The following SAR1B variants were observed in gnomAD, a reference collection of about 807,000 sequenced individuals.
The protein encoded by SAR1B is small COPII coat GTPase SAR1B.
Under a neutral mutation model 26.8 loss-of-function variants are expected in SAR1B, and 23 were observed. That is an observed-to-expected ratio of 0.86 (90% CI 0.62 to 1.22). SAR1B has a LOEUF of 1.22. Among genes scored for constraint, SAR1B ranks in the 50% most tolerant of loss-of-function variants. The pLI, the probability that SAR1B is intolerant of heterozygous loss-of-function variation, is 0.00. For missense variants in SAR1B, 196 were observed against 232.8 expected, an observed-to-expected ratio of 0.84 and a Z score of 1.03; for synonymous variants, 65 against 80.8, an observed-to-expected ratio of 0.80 and a Z score of 1.05.
Position 134,606,757 on chromosome 5 carries a change from A to G in SAR1B, c.*193T>C. 1 of 576,714 alleles carries G rather than the reference A, an allele frequency of 1.7e-6. No homozygotes were observed. Among genetic ancestry groups the G allele is most frequent in the Non-Finnish European group, 3.1e-6 (1 of 317,566 alleles). 35.7% of individuals were successfully genotyped at this position (576,714 alleles called of 1,614,324 possible). ...AGTACTTTTATGGAATTAGAAAGCT[A>G]ACATTGTGATACTCAAACTTACTTG... is the stretch of plus-strand genomic sequence containing the variant. On this transcript the variant is annotated 3_prime_UTR_variant, in exon 7 of 7. Coordinates refer to ENST00000402673, the MANE Select transcript of SAR1B (RefSeq NM_016103.4).
At chr5:134,628,750 G>A (rs1765543714) in intron 1 of SAR1B, among the ~76,000 whole-genome samples, 1 of 151,980 alleles carries the variant, frequency 6.6e-6, no homozygotes, top group Admixed American at 6.6e-5. Flanking sequence ...CACCTCCTGG[G>A]TTCAAGCAAT....
chr5:134,609,226 G>A lies in SAR1B; in HGVS notation c.348+345C>T, dbSNP rs1198082929. On this transcript the variant is annotated intron_variant, in intron 5 of 6. Transcript: ENST00000402673. ...CATGTCCTATCATTTCCAGGCTGTG[G>A]CTTAAGATATAGCATCTTAGCATGA... is the stretch of plus-strand genomic sequence containing the variant. 9.6e-6 allele frequency: 4 copies of A among 418,168 alleles called. No homozygotes were observed. In the Admixed American group the frequency reaches 1.2e-4, roughly 12 times the overall value. The allele number at this position is 418,168 out of a possible 1,614,324, so 25.9% of individuals were successfully genotyped here.
chr5:134,621,562 C>G (rs1345872770), intron 2 of SAR1B, among the ~76,000 whole-genome samples: 1 of 151,950 alleles, frequency 6.6e-6, no homozygotes, highest in Admixed American at 6.6e-5. Flanking sequence ...CAAACTTCAA[C>G]CCAGTCAATA....
At chr5:134,630,178 G>C (rs988379989) in intron 1 of SAR1B, among the ~76,000 whole-genome samples, 9 of 152,038 alleles carry the variant, frequency 5.9e-5, no homozygotes, top group African/African-American at 2.2e-4. Context: ...GTAGAAGGCT[G>C]GGGGAGGTGG....
chr5:134,620,647 G>A (rs1162502837), intron 3 of SAR1B, among the ~76,000 whole-genome samples: 1 of 152,154 alleles, frequency 6.6e-6, no homozygotes, highest in Admixed American at 6.5e-5. Context: ...GATCACTTGA[G>A]CTCAGGAGTT....
intron 3 of SAR1B, among the ~76,000 whole-genome samples, chr5:134,616,111 C>A (rs1163828474): frequency 7.9e-6 from 1 of 126,236 alleles, no homozygotes; most frequent in African/African-American, 3.1e-5. Flanking sequence ...GCCTGGGCAA[C>A]AGAGCGAGAC....
chr5:134,607,764 C>T (rs1204115204), intron 6 of SAR1B, among the ~76,000 whole-genome samples: 1 of 147,040 alleles, frequency 6.8e-6, no homozygotes, highest in Non-Finnish European at 1.5e-5. Flanking sequence ...AAGAGCAAAA[C>T]TCCATCTCAA....
intron 4 of SAR1B, among the ~76,000 whole-genome samples, chr5:134,612,479 T>C (rs1219077233): frequency 6.6e-6 from 1 of 151,340 alleles, no homozygotes. Flanking sequence ...ATCCCATCTC[T>C]ACTAAGAATA....
rs1228202531 is a variant in SAR1B, at chr5:134,604,133, C to T, written c.*2817G>A. 6.6e-6 allele frequency: 1 copy of T among 152,122 alleles called. No individual in the cohort carries two copies. Among genetic ancestry groups the T allele is most frequent in the Non-Finnish European group, 1.5e-5 (1 of 68,024 alleles). The allele number at this position is 152,122 out of a possible 1,614,324, so 9.4% of individuals were successfully genotyped here. A position where few individuals can be genotyped will look rare whatever the true frequency, so the allele number is the denominator to read the frequency against. ...TCTATCAATTTAACCAGCTGTGATC[C>T]AAAAGTGTAATTAACGGCAGTCAGT... On this transcript the variant is annotated 3_prime_UTR_variant, in exon 7 of 7. Coordinates refer to ENST00000402673, the MANE Select transcript of SAR1B (RefSeq NM_016103.4).
intron 3 of SAR1B, among the ~76,000 whole-genome samples, chr5:134,619,023 G>A (rs986557321): frequency 6.8e-6 from 1 of 147,394 alleles, no homozygotes; most frequent in Non-Finnish European, 1.5e-5. Context: ...AAAAATTAGA[G>A]TCATTATTAA....
At chr5:134,622,558 G>T (rs186341360) in intron 2 of SAR1B, among the ~76,000 whole-genome samples, 1 of 151,298 alleles carries the variant, frequency 6.6e-6, no homozygotes, top group East Asian at 2.0e-4. Flanking sequence ...CTACAGGCGC[G>T]TGCCACCATG....
At chr5:134,623,499 A>G (rs1407488794) in intron 2 of SAR1B, among the ~76,000 whole-genome samples, 2 of 46,790 alleles carry the variant, frequency 4.3e-5, no homozygotes, top group Non-Finnish European at 8.7e-5. Context: ...CCGTCTCTAT[A>G]AAATTAAAAA....
At position 134,624,027 on chromosome 5, in the gene SAR1B, T is replaced by G. The variant is rs755691161; in HGVS notation, c.-8A>C. ...ATCAAATATGAAGGACATATCCAAATCTGATAGGGTCTGAAAAAAAAGAGT... is the reference window on the plus strand; with the variant it reads ...ATCAAATATGAAGGACATATCCAAAGCTGATAGGGTCTGAAAAAAAAGAGT... On this transcript the variant is annotated 5_prime_UTR_variant, in exon 2 of 7. Transcript: ENST00000402673. 1 of 1,594,072 alleles carries G rather than the reference T, an allele frequency of 6.3e-7. No homozygotes were observed. Among genetic ancestry groups the G allele is most frequent in the East Asian group, 2.2e-5 (1 of 44,736 alleles).
intron 4 of SAR1B, among the ~76,000 whole-genome samples, chr5:134,611,565 A>T (rs967454895): frequency 9.2e-5 from 14 of 151,994 alleles, no homozygotes; most frequent in African/African-American, 1.5e-4. Flanking sequence ...TACAAAAAAA[A>T]TTTTTTTTAA....
In SAR1B at chr5:134,621,088, T is replaced by G; in HGVS notation, c.59-36A>C. Reference sequence around the variant, plus strand: ...AGAGCTATGATTGGTCAAAGTGATATCTGATACTAATTATCCAAATGAATT... The same window carrying G: ...AGAGCTATGATTGGTCAAAGTGATAGCTGATACTAATTATCCAAATGAATT... On this transcript the variant is annotated intron_variant, in intron 2 of 6. Transcript: ENST00000402673. The G allele has an allele frequency of 1.9e-6, 3 of 1,603,828 alleles. No homozygotes were observed. The Admixed American group carries it at 5.0e-5, about 27-fold the overall frequency.
At chr5:134,615,446 C>T (rs1218035609) in intron 3 of SAR1B, among the ~76,000 whole-genome samples, 23 of 151,402 alleles carry the variant, frequency 1.5e-4, no homozygotes, top group Non-Finnish European at 2.7e-4. Context: ...ACCCAGGAGG[C>T]GGAGGTTGCA....
Position 134,613,076 on chromosome 5 carries a change from C to T in SAR1B, c.179-320G>A, listed in dbSNP as rs1370409625. The T allele has an allele frequency of 8.5e-6, 3 of 353,350 alleles. No homozygotes were observed. The East Asian group carries it at 2.3e-4, about 27-fold the overall frequency. 21.9% of individuals were successfully genotyped at this position (353,350 alleles called of 1,614,324 possible). ...CTTCCTTATTTGAAGGTGTTTTTAC[C>T]TTTCTCAGCATTCCACAAGTTACTT... On this transcript the variant is annotated intron_variant, in intron 3 of 6. Coordinates refer to ENST00000402673, the MANE Select transcript of SAR1B (RefSeq NM_016103.4).
chr5:134,608,218 A>G (rs562907207), intron 6 of SAR1B, among the ~76,000 whole-genome samples, 154 bp downstream of exon 6: 3 of 152,346 alleles, frequency 2.0e-5, no homozygotes, highest in Admixed American at 6.5e-5. Context: ...CCATGGTAGA[A>G]AGAAATGAGG....
At chr5:134,611,972 G>A (rs1033995780) in intron 4 of SAR1B, among the ~76,000 whole-genome samples, 1 of 152,122 alleles carries the variant, frequency 6.6e-6, no homozygotes, top group Non-Finnish European at 1.5e-5. Flanking sequence ...AGACAAGCCT[G>A]GGCAACATAG....
Sources: allele counts gnomAD v4.1 joint callset (sites outside exome capture counted in the v4.1 genomes callset), GRCh38; gene constraint gnomAD v4.1.1; transcripts MANE v1.5; gene names NCBI Gene and HGNC (gene_info 2026-07-23, HGNC 2026-07-21).